The following GALK2 variants were observed in gnomAD, a reference collection of about 807,000 sequenced individuals.
The protein encoded by GALK2 is N-acetylgalactosamine kinase.
GALK2 carries 36 observed loss-of-function variants against 52.4 expected under a neutral mutation model. The observed-to-expected ratio is 0.69, with a 90% CI of 0.53 to 0.91. The LOEUF (loss-of-function observed/expected upper bound fraction) is 0.91, where lower values mean the gene tolerates loss of function less well. GALK2 is among the 40% of genes least tolerant of loss of function. The pLI is 0.00. For synonymous variants in GALK2, 176 were observed against 199.1 expected, an observed-to-expected ratio of 0.88 and a Z score of 0.98; for missense variants, 579 against 559.1, an observed-to-expected ratio of 1.04 and a Z score of -0.36.
chr15:49,177,983 G>A (rs183225953), intron 1 of GALK2: 213 of 153,394 alleles, frequency 1.4e-3, no homozygotes, highest in African/African-American at 4.8e-3. Flanking sequence ...TGGTGAAACC[G>A]CGTTTCTACT....
chr15:49,276,904 GTTT>G (rs34440691), intron 5 of GALK2, among the ~76,000 whole-genome samples: 58 of 77,906 alleles, frequency 7.4e-4, no homozygotes, highest in African/African-American at 1.0e-3. Context: ...AGAATCTGAG[GTTT>G]TTTTTTTTTT....
At chr15:49,261,079 A>T in intron 5 of GALK2, among the ~76,000 whole-genome samples, 1 of 151,504 alleles carries the variant, frequency 6.6e-6, no homozygotes, top group Admixed American at 6.6e-5. Flanking sequence ...TGAACTTTAA[A>T]GTAGTTTTTT....
intron 3 of GALK2, among the ~76,000 whole-genome samples, chr15:49,234,711 A>G (rs2090698349): frequency 6.6e-6 from 1 of 152,050 alleles, no homozygotes; most frequent in Non-Finnish European, 1.5e-5. Flanking sequence ...TGTGAGAATT[A>G]TGGGAGCTAC....
intron 2 of GALK2, among the ~76,000 whole-genome samples, chr15:49,215,182 T>A (rs80032248): frequency 0.017 from 2,610 of 152,296 alleles, 96 homozygotes; most frequent in African/African-American, 0.06. Context: ...GAGAGTTTGA[T>A]TAATATATTA....
intron 5 of GALK2, among the ~76,000 whole-genome samples, chr15:49,265,043 A>C (rs929570433): frequency 1.3e-5 from 2 of 152,128 alleles, no homozygotes; most frequent in African/African-American, 4.8e-5. Context: ...CCACTTGAGG[A>C]GGCAGTCTGC....
chr15:49,328,277 T>C lies in GALK2; in HGVS notation c.*118T>C, dbSNP rs748423606. On this transcript the variant is annotated 3_prime_UTR_variant, in exon 10 of 10. Transcript: ENST00000560031. ...GTATTATGATGAACGGTTGCTATTA[T>C]ATCAAGATATATTTTCAAAGAAATG... 32 of 1,442,874 alleles carry C rather than the reference T, an allele frequency of 2.2e-5. No individual in the cohort carries two copies. The highest frequency in any genetic ancestry group is 2.9e-5 in the Non-Finnish European group (32 of 1,099,388). 89.4% of individuals were successfully genotyped at this position (1,442,874 alleles called of 1,614,324 possible).
At chr15:49,314,922 T>C (rs2036279414) in intron 8 of GALK2, among the ~76,000 whole-genome samples, 1 of 152,200 alleles carries the variant, frequency 6.6e-6, no homozygotes, top group South Asian at 2.1e-4. Context: ...AAACAGCTAC[T>C]GCCAAGGGCC....
intron 7 of GALK2, among the ~76,000 whole-genome samples, chr15:49,288,672 G>A (rs1268100252): frequency 6.6e-6 from 1 of 152,208 alleles, no homozygotes; most frequent in African/African-American, 2.4e-5. Context: ...AGTCCGAGCT[G>A]CATGGCAGAG....
In GALK2 at chr15:49,328,622, T is replaced by C; in HGVS notation, c.*463T>C. The C allele has an allele frequency of 6.3e-7, 1 of 1,587,558 alleles. No individual in the cohort carries two copies. The highest frequency in any genetic ancestry group is 8.6e-7 in the Non-Finnish European group (1 of 1,163,326). ...TGTCTGTTGATGATGGTGATGATGA[T>C]GATGATGACGATAGTGATGCCACAC... On this transcript the variant is annotated 3_prime_UTR_variant, in exon 10 of 10. Coordinates refer to ENST00000560031, the MANE Select transcript of GALK2 (RefSeq NM_002044.4).
chr15:49,189,276 CT>C (rs1280391258), intron 1 of GALK2, among the ~76,000 whole-genome samples: 5 of 152,080 alleles, frequency 3.3e-5, no homozygotes, highest in African/African-American at 1.2e-4. Flanking sequence ...CAAGGACATT[CT>C]TTTATATAAT....
chr15:49,342,705 T>C (rs76013079), intron 3 of GALK2, among the ~76,000 whole-genome samples: 3,376 of 152,272 alleles, frequency 0.022, 101 homozygotes, highest in South Asian at 0.077. Context: ...CTTAAAGATC[T>C]CTTATGAGAC....
chr15:49,195,112 G>T, intron 1 of GALK2: 1 of 452,106 alleles, frequency 2.2e-6, no homozygotes, highest in Non-Finnish European at 4.4e-6. Flanking sequence ...CACCTGTGCT[G>T]GAGGCTAGAG....
At chr15:49,322,734 G>T (rs2036985910) in intron 9 of GALK2, among the ~76,000 whole-genome samples, 1 of 152,132 alleles carries the variant, frequency 6.6e-6, no homozygotes, top group Non-Finnish European at 1.5e-5. Flanking sequence ...AAGGCGGGCA[G>T]ATCATGAGGT....
At chr15:49,333,960 C>T (rs188051864), downstream of GALK2, among the ~76,000 whole-genome samples, 19 of 152,268 alleles carry the variant, frequency 1.2e-4, no homozygotes, top group East Asian at 3.7e-3. Flanking sequence ...TAGTTTACAA[C>T]TTCCATAGGA....
At chr15:49,258,359 A>G (rs1053317937) in intron 5 of GALK2, among the ~76,000 whole-genome samples, 3 of 152,024 alleles carry the variant, frequency 2.0e-5, no homozygotes, top group Non-Finnish European at 4.4e-5. Context: ...TTAAGGAAGT[A>G]AGGGAAGTTC....
chr15:49,172,655 A>G (rs1333913330), intron 1 of GALK2, among the ~76,000 whole-genome samples: 5 of 152,144 alleles, frequency 3.3e-5, no homozygotes, highest in Non-Finnish European at 7.4e-5. Context: ...CTGGTCAACC[A>G]TATCATACAT....
chr15:49,286,227 C>T (rs1182090801), intron 7 of GALK2, among the ~76,000 whole-genome samples: 1 of 152,174 alleles, frequency 6.6e-6, no homozygotes, highest in African/African-American at 2.4e-5. Flanking sequence ...CTGTGTTTGT[C>T]TTGTTAACTC....
intron 5 of GALK2, among the ~76,000 whole-genome samples, chr15:49,258,772 G>C (rs931618784): frequency 2.1e-5 from 3 of 142,422 alleles, no homozygotes; most frequent in African/African-American, 8.0e-5. Flanking sequence ...ACATTTATTT[G>C]GAAGCATATA....
intron 1 of GALK2, among the ~76,000 whole-genome samples, chr15:49,191,511 T>C (rs1357308613): frequency 6.6e-6 from 1 of 152,182 alleles, no homozygotes; most frequent in Non-Finnish European, 1.5e-5. Context: ...TCTCCCTTAA[T>C]GAGTTTGTGT....
Sources: allele counts gnomAD v4.1 joint callset (sites outside exome capture counted in the v4.1 genomes callset), GRCh38; gene constraint gnomAD v4.1.1; transcripts MANE v1.5; gene names NCBI Gene and HGNC (gene_info 2026-07-23, HGNC 2026-07-21).